The following PHACTR2 variants were observed in gnomAD, a reference collection of about 807,000 sequenced individuals.
The protein encoded by PHACTR2 is phosphatase and actin regulator 2.
PHACTR2 carries 30 observed loss-of-function variants against 76.0 expected under a neutral mutation model. That is an observed-to-expected ratio of 0.39 (90% confidence interval 0.30 to 0.54). PHACTR2 has a LOEUF of 0.54. Among genes scored for constraint, PHACTR2 ranks in the 20% least tolerant of loss-of-function variants. The pLI, the probability that PHACTR2 is intolerant of heterozygous loss-of-function variation, is 0.61. For missense variants in PHACTR2, 696 were observed against 781.1 expected (o/e 0.89, Z 1.30); for synonymous variants, 292 against 292.5 (o/e 1.00, Z 0.02).
chr6:143,582,919 G>T (rs1373033173), intron 1 of PHACTR2, among the ~76,000 whole-genome samples: 1 of 152,134 alleles, frequency 6.6e-6, no homozygotes, highest in East Asian at 1.9e-4. Flanking sequence ...AAGAAAAAAG[G>T]CTACAGAGAT....
chr6:143,800,381 C>A lies in PHACTR2; in HGVS notation c.1846-6676C>A, dbSNP rs1775926951. Among the ~76,000 whole-genome samples, 1 of 152,174 alleles carries A rather than the reference C, an allele frequency of 6.6e-6. No individual in the cohort carries two copies. Among genetic ancestry groups the A allele is most frequent in the African/African-American group, 2.4e-5 (1 of 41,432 alleles). ...GGGTCACCCTATTCTCCTGCCTCAG[C>A]CTCCTGAGTAGCTGGGACTACAGGT... On this transcript the variant is annotated intron_variant, in intron 11 of 12. Coordinates refer to ENST00000440869, the MANE Select transcript of PHACTR2 (RefSeq NM_001100164.2). The surrounding 1 kb of genome is among the most constrained non-coding windows in gnomAD (Gnocchi z 4.8).
chr6:143,796,732 A>G (rs917762707), intron 11 of PHACTR2, among the ~76,000 whole-genome samples: 1 of 152,156 alleles, frequency 6.6e-6, no homozygotes, highest in Non-Finnish European at 1.5e-5. Flanking sequence ...CCTGCAAAGG[A>G]CATCAACTCA....
chr6:143,582,210 C>T (rs549016875), intron 1 of PHACTR2, among the ~76,000 whole-genome samples: 55 of 152,102 alleles, frequency 3.6e-4, no homozygotes, highest in Non-Finnish European at 7.2e-4. Context: ...CAGAGCAAAT[C>T]GTTTTGGAAA....
At chr6:143,643,357 G>A (rs1158562114) in intron 1 of PHACTR2, among the ~76,000 whole-genome samples, 1 of 152,100 alleles carries the variant, frequency 6.6e-6, no homozygotes, top group East Asian at 1.9e-4. Flanking sequence ...TCCACAGATG[G>A]GGTCATACTA....
At chr6:143,590,520 G>C (rs907692026) in intron 1 of PHACTR2, among the ~76,000 whole-genome samples, 1 of 151,548 alleles carries the variant, frequency 6.6e-6, no homozygotes, top group Non-Finnish European at 1.5e-5. Context: ...TAAGATCAGT[G>C]TTAGAAAGCT....
In PHACTR2 at chr6:143,543,357, A is replaced by G. The variant is rs114700591; in HGVS notation, c.217+6150A>G. Among the ~76,000 whole-genome samples the G allele has an allele frequency of 1.4e-3, 208 of 152,368 alleles. No homozygotes were observed. The highest frequency in any genetic ancestry group is 4.9e-3 in the African/African-American group (203 of 41,588). On this transcript the variant is annotated intron_variant, in intron 1 of 11. Coordinates refer to the PHACTR2 transcript ENST00000367584. This position sits in a 1 kb window ranked among gnomAD's most constrained non-coding sequence, Gnocchi z 4.7. ...TTTTTCATTTCTTCTTTCAATCAACAAATGGCTAGTGAGCTAACACAAAGG... is the reference window on the plus strand; with the variant it reads ...TTTTTCATTTCTTCTTTCAATCAACGAATGGCTAGTGAGCTAACACAAAGG...
rs1212768005 is a variant in PHACTR2, at chr6:143,553,688, T to C, written c.217+16481T>C. Among the ~76,000 whole-genome samples the C allele has an allele frequency of 6.6e-6, 1 of 152,162 alleles. No homozygotes were observed. The highest frequency in any genetic ancestry group is 1.5e-5 in the Non-Finnish European group (1 of 68,020). On this transcript the variant is annotated intron_variant, in intron 1 of 11. Transcript: ENST00000367584. The surrounding 1 kb of genome is among the most constrained non-coding windows in gnomAD (Gnocchi z 4.2). ...GTCTCTATAGGCTGAGGTTGAGGCC[T>C]AGTTGAGAAGAGGGCTCAGGGGAGC...
chr6:143,661,103 C>G (rs190433804), intron 1 of PHACTR2, among the ~76,000 whole-genome samples: 61 of 152,178 alleles, frequency 4.0e-4, no homozygotes, highest in Admixed American at 7.9e-4. Context: ...GTAAAATATT[C>G]ATAAAAAATT....
At chr6:143,726,974 G>A (rs1778587567) in intron 2 of PHACTR2, among the ~76,000 whole-genome samples, 1 of 152,132 alleles carries the variant, frequency 6.6e-6, no homozygotes, top group South Asian at 2.1e-4. Flanking sequence ...TTTTCTAGCT[G>A]TTTTGTAATA....
rs983955278 is a variant in PHACTR2, at chr6:143,678,057, G to C, written c.-107G>C. ...GGTGAGGGGACCCGGCGGGCCGCTC[G>C]GCACAGGCCGGGACATGAACGCCTG... On this transcript the variant is annotated 5_prime_UTR_variant, in exon 1 of 13. Transcript: ENST00000440869. The surrounding 1 kb of genome is among the most constrained non-coding windows in gnomAD (Gnocchi z 6.2). 5.5e-5 allele frequency: 84 copies of C among 1,529,624 alleles called. No individual in the cohort carries two copies. Among genetic ancestry groups the C allele is most frequent in the Non-Finnish European group, 7.3e-5 (83 of 1,136,050 alleles). 94.8% of individuals were successfully genotyped at this position (1,529,624 alleles called of 1,614,324 possible).
chr6:143,706,278 A>G (rs1195439648), intron 1 of PHACTR2, among the ~76,000 whole-genome samples: 31 of 152,210 alleles, frequency 2.0e-4, no homozygotes, highest in East Asian at 1.9e-4. Context: ...GGAGAATGCT[A>G]TTAGAAACCA....
At chr6:143,810,198 A>G (rs984365556) in intron 12 of PHACTR2, among the ~76,000 whole-genome samples, 3 of 152,236 alleles carry the variant, frequency 2.0e-5, no homozygotes, top group Non-Finnish European at 4.4e-5. Context: ...AAAGTTATTG[A>G]ACAATTACAC....
intron 11 of PHACTR2, among the ~76,000 whole-genome samples, chr6:143,790,837 C>T (rs1373202862): frequency 1.3e-5 from 2 of 152,116 alleles, no homozygotes; most frequent in Non-Finnish European, 2.9e-5. Flanking sequence ...CCACGCCCAG[C>T]TATTTTTTAC....
intron 2 of PHACTR2, among the ~76,000 whole-genome samples, chr6:143,732,632 A>G (rs1778725310): frequency 6.6e-6 from 1 of 152,006 alleles, no homozygotes; most frequent in Non-Finnish European, 1.5e-5. Context: ...TCTTGGTTTC[A>G]TTTCTCTTGG....
rs1244435917 is a variant in PHACTR2 at position 143,641,891 on chromosome 6, G to A, written c.13+33569G>A. Among the ~76,000 whole-genome samples, 1 of 152,130 alleles carries A rather than the reference G, an allele frequency of 6.6e-6. No individual in the cohort carries two copies. The highest frequency in any genetic ancestry group is 1.5e-5 in the Non-Finnish European group (1 of 68,024). On this transcript the variant is annotated intron_variant, in intron 1 of 11. Transcript: ENST00000305766. This position sits in a 1 kb window ranked among gnomAD's most constrained non-coding sequence, Gnocchi z 5.8. ...CAAATACAAGCAGCTGAGATGAAAT[G>A]GAGTTCTATATACATTTTTTCTCTT...
In PHACTR2 at chr6:143,742,243, T is replaced by A. The variant is rs902136800; in HGVS notation, c.215-6742T>A. Among the ~76,000 whole-genome samples, 2 of 152,174 alleles carry A rather than the reference T, an allele frequency of 1.3e-5. No homozygotes were observed. The highest frequency in any genetic ancestry group is 4.8e-5 in the African/African-American group (2 of 41,440). ...CTGAAAAATCCAGGGGCAGAAAACCTTCAGGCGTGGTTGGATCCAGGTGCT... is the reference window on the plus strand; with the variant it reads ...CTGAAAAATCCAGGGGCAGAAAACCATCAGGCGTGGTTGGATCCAGGTGCT... On this transcript the variant is annotated intron_variant, in intron 2 of 12. Transcript: ENST00000440869. The surrounding 1 kb of genome is among the most constrained non-coding windows in gnomAD (Gnocchi z 4.5).
rs1281895375 is a variant in PHACTR2 at position 143,647,519 on chromosome 6, G to T, written c.13+39197G>T. Among the ~76,000 whole-genome samples the T allele has an allele frequency of 1.3e-5, 2 of 152,224 alleles. No homozygotes were observed. Among genetic ancestry groups the T allele is most frequent in the African/African-American group, 2.4e-5 (1 of 41,452 alleles). On this transcript the variant is annotated intron_variant, in intron 1 of 11. Transcript: ENST00000305766. The surrounding 1 kb of genome is among the most constrained non-coding windows in gnomAD (Gnocchi z 4.2). ...CCTAGGTCGTTGCCCTCATGGGCTTGCATTCCATTGAGACAGATACATTTC... is the reference window on the plus strand; with the variant it reads ...CCTAGGTCGTTGCCCTCATGGGCTTTCATTCCATTGAGACAGATACATTTC...
At chr6:143,758,049 C>G (rs1161217522) in intron 4 of PHACTR2, among the ~76,000 whole-genome samples, 1 of 152,034 alleles carries the variant, frequency 6.6e-6, no homozygotes, top group South Asian at 2.1e-4. Context: ...TTCGAAGAGT[C>G]AAGAGGAGCG....
chr6:143,687,544 C>T (rs999291973), intron 1 of PHACTR2, among the ~76,000 whole-genome samples: 5 of 152,128 alleles, frequency 3.3e-5, no homozygotes, highest in African/African-American at 1.2e-4. Context: ...TTCCTCCCCA[C>T]AAAAGCAGGG....
Sources: gnomAD v4.1 joint callset for allele counts (sites outside exome capture counted in the v4.1 genomes callset) on GRCh38, gnomAD v4.1.1 for gene constraint, Gnocchi (gnomAD v3.1) non-coding constraint, MANE v1.5 for transcripts, NCBI Gene and HGNC (gene_info 2026-07-23, HGNC 2026-07-21) for gene names.